Variants in UCK2 observed in about 807,000 individuals in gnomAD.
UCK2 encodes cytidine monophosphokinase 2.
Under a neutral mutation model 30.8 loss-of-function variants are expected in UCK2, and 6 were observed. The observed-to-expected ratio is 0.19, with a 90% CI of 0.11 to 0.38. The LOEUF is 0.38. Among genes scored for constraint, UCK2 ranks in the 10% least tolerant of loss-of-function variants. UCK2 has a pLI of 1.00. For synonymous variants in UCK2, 125 were observed against 133.6 expected, an observed-to-expected ratio of 0.94 and a Z score of 0.45; for missense variants, 210 against 339.8, an observed-to-expected ratio of 0.62 and a Z score of 3.00.
intron 1 of UCK2, among the ~76,000 whole-genome samples, chr1:165,863,692 A>G (rs766583134): frequency 2.4e-4 from 36 of 152,170 alleles, no homozygotes; most frequent in Non-Finnish European, 4.4e-4. Context: ...CATGCTTGAA[A>G]TTAGTTTTGA....
intron 1 of UCK2, among the ~76,000 whole-genome samples, chr1:165,864,618 T>C (rs1293535373): frequency 1.3e-5 from 2 of 152,236 alleles, no homozygotes; most frequent in Non-Finnish European, 2.9e-5. Flanking sequence ...GGAACTTACA[T>C]ATATAAGTAA....
intron 1 of UCK2, among the ~76,000 whole-genome samples, chr1:165,841,414 C>T (rs923738644): frequency 1.1e-4 from 16 of 151,990 alleles, no homozygotes; most frequent in African/African-American, 3.9e-4. Context: ...AAACTCCTGA[C>T]CTCAGGTGAT....
chr1:165,873,062 G>C (rs1014787591), intron 1 of UCK2, among the ~76,000 whole-genome samples: 1 of 152,190 alleles, frequency 6.6e-6, no homozygotes, highest in Non-Finnish European at 1.5e-5. Flanking sequence ...ATTATAAAAA[G>C]TAAAGTAAGT....
intron 1 of UCK2, among the ~76,000 whole-genome samples, chr1:165,861,997 G>A (rs1654920578): frequency 6.6e-6 from 1 of 152,170 alleles, no homozygotes; most frequent in Admixed American, 6.5e-5. Context: ...AGCCCTCATC[G>A]TTTTTTATTC....
chr1:165,881,354 T>G (rs918476839), intron 1 of UCK2, among the ~76,000 whole-genome samples: 1 of 151,044 alleles, frequency 6.6e-6, no homozygotes, highest in Non-Finnish European at 1.5e-5. Context: ...TTACTCAGGG[T>G]TTTTTTTTGT....
At chr1:165,895,642 G>T (rs759450074) in intron 3 of UCK2, 8 of 985,678 alleles carry the variant, frequency 8.1e-6, no homozygotes, top group Non-Finnish European at 9.6e-6. Flanking sequence ...ATGCTTTCTC[G>T]TCTGTATCCT....
chr1:165,895,604 G>T, intron 3 of UCK2: 1 of 985,660 alleles, frequency 1.0e-6, no homozygotes, highest in Non-Finnish European at 1.2e-6. Context: ...AGACCAGACA[G>T]ACGTCGGGAT....
intron 1 of UCK2, among the ~76,000 whole-genome samples, chr1:165,859,332 TG>T (rs1412716517): frequency 2.0e-5 from 3 of 152,174 alleles, no homozygotes; most frequent in African/African-American, 7.2e-5. Context: ...AGTCCAGAGC[TG>T]TGGTCTCCTT....
At chr1:165,846,612 A>G (rs1318216202) in intron 1 of UCK2, among the ~76,000 whole-genome samples, 2 of 152,142 alleles carry the variant, frequency 1.3e-5, no homozygotes, top group Non-Finnish European at 2.9e-5. Context: ...CTGAAACCAC[A>G]TGTAGAATTT....
intron 1 of UCK2, among the ~76,000 whole-genome samples, chr1:165,880,121 C>T (rs1404648549): frequency 2.6e-5 from 4 of 152,178 alleles, no homozygotes; most frequent in Non-Finnish European, 5.9e-5. Flanking sequence ...TACTCATGTG[C>T]GGCCTGCAAT....
intron 1 of UCK2, among the ~76,000 whole-genome samples, chr1:165,870,141 TTTG>T (rs1406372844): frequency 3.3e-5 from 5 of 152,048 alleles, no homozygotes; most frequent in African/African-American, 7.2e-5. Context: ...GGTGGTTTCT[TTTG>T]TTGTTGTTGT....
At chr1:165,868,828 C>A (rs1436799158) in intron 1 of UCK2, among the ~76,000 whole-genome samples, 1 of 152,182 alleles carries the variant, frequency 6.6e-6, no homozygotes, top group African/African-American at 2.4e-5. Flanking sequence ...TGAACTTTTC[C>A]TTTGCATTCA....
intron 1 of UCK2, among the ~76,000 whole-genome samples, chr1:165,874,711 T>C (rs1413181996): frequency 6.6e-6 from 1 of 152,170 alleles, no homozygotes; most frequent in East Asian, 1.9e-4. Flanking sequence ...TTTTTTAACG[T>C]AAGAATTCCT....
chr1:165,870,169 G>T (rs1417795473), intron 1 of UCK2, among the ~76,000 whole-genome samples: 1 of 137,130 alleles, frequency 7.3e-6, no homozygotes. Flanking sequence ...TTCTTTTTTT[G>T]TATGGTGTAA....
chr1:165,906,497 G>A (rs1364827401), intron 6 of UCK2, among the ~76,000 whole-genome samples: 3 of 152,322 alleles, frequency 2.0e-5, no homozygotes, highest in South Asian at 4.1e-4. Flanking sequence ...CCTCCCGGTA[G>A]CTGGGACTAC....
chr1:165,904,192 C>G (rs1320793204), intron 5 of UCK2: 3 of 152,182 alleles, frequency 2.0e-5, no homozygotes, highest in Non-Finnish European at 1.5e-5. Context: ...TGGAATTTCC[C>G]TATTTATTCT....
chr1:165,833,664 A>T (rs1571261687), intron 1 of UCK2, among the ~76,000 whole-genome samples: 1 of 152,026 alleles, frequency 6.6e-6, no homozygotes, highest in East Asian at 1.9e-4. Context: ...ATGGAGACAG[A>T]TTGTCTTTGG....
intron 1 of UCK2, among the ~76,000 whole-genome samples, chr1:165,833,847 C>T (rs1654116380): frequency 2.0e-5 from 3 of 152,014 alleles, no homozygotes; most frequent in Non-Finnish European, 4.4e-5. Flanking sequence ...TGTATGCTTT[C>T]GTGTCCATTA....
At chr1:165,866,448 A>G (rs907695341) in intron 1 of UCK2, among the ~76,000 whole-genome samples, 2 of 152,232 alleles carry the variant, frequency 1.3e-5, no homozygotes, top group Non-Finnish European at 2.9e-5. Flanking sequence ...GATTGATAAC[A>G]TAAGATCCCT....
Sources: gnomAD v4.1 joint callset for allele counts (sites outside exome capture counted in the v4.1 genomes callset) on GRCh38, gnomAD v4.1.1 for gene constraint, MANE v1.5 for transcripts, NCBI Gene and HGNC (gene_info 2026-07-23, HGNC 2026-07-21) for gene names.